The following ST8SIA1 variants were observed in gnomAD, a reference collection of about 807,000 sequenced individuals.
ST8SIA1 encodes ST8 alpha-N-acetyl-neuraminide alpha-2,8-sialyltransferase 1.
A neutral mutation model predicts 35.9 loss-of-function variants in ST8SIA1; 16 were observed. That is an observed-to-expected ratio of 0.45 (90% CI 0.30 to 0.68). The LOEUF (loss-of-function observed/expected upper bound fraction) is 0.68. Ranked by LOEUF, ST8SIA1 falls within the 30% of genes least tolerant of loss-of-function variation. The pLI, the probability that ST8SIA1 is intolerant of heterozygous loss-of-function variation, is 0.09. For synonymous variants in ST8SIA1, 170 were observed against 169.6 expected, an observed-to-expected ratio of 1.00 and a Z score of -0.02; for missense variants, 383 against 453.6, an observed-to-expected ratio of 0.84 and a Z score of 1.41.
At position 22,334,320 on chromosome 12, in the gene ST8SIA1, C is replaced by T. The variant is rs920651073; in HGVS notation, c.-88G>A. 6.1e-5 allele frequency: 59 copies of T among 971,518 alleles called. No individual in the cohort carries two copies. Among genetic ancestry groups the T allele is most frequent in the Non-Finnish European group, 8.0e-5 (52 of 648,918 alleles). The allele number at this position is 971,518 out of a possible 1,614,324, so 60.2% of individuals were successfully genotyped here. A position where few individuals can be genotyped will look rare whatever the true frequency, so the allele number is the denominator to read the frequency against. Reference sequence around the variant, plus strand: ...GCGGAGGGTCCCCCACCGCCAGCCCCCCATGCACACACACCTTTGGTTCTC... The same window carrying T: ...GCGGAGGGTCCCCCACCGCCAGCCCTCCATGCACACACACCTTTGGTTCTC... On this transcript the variant is annotated 5_prime_UTR_variant, in exon 1 of 5. Coordinates refer to ENST00000396037, the MANE Select transcript of ST8SIA1 (RefSeq NM_003034.4).
chr12:22,318,186 C>G (rs2135838190), intron 1 of ST8SIA1, among the ~76,000 whole-genome samples: 1 of 152,338 alleles, frequency 6.6e-6, no homozygotes, highest in Admixed American at 6.5e-5. Context: ...ACATTGGATT[C>G]TCTCTCAATA....
chr12:22,320,110 T>C (rs1442931501), intron 1 of ST8SIA1, among the ~76,000 whole-genome samples: 2 of 152,190 alleles, frequency 1.3e-5, no homozygotes, highest in Non-Finnish European at 2.9e-5. Flanking sequence ...ATTGGATCTT[T>C]ACAAATTATA....
At chr12:22,221,871 T>G (rs1865303799) in intron 4 of ST8SIA1, among the ~76,000 whole-genome samples, 1 of 152,192 alleles carries the variant, frequency 6.6e-6, no homozygotes, top group African/African-American at 2.4e-5. Flanking sequence ...TAAAAAGTAT[T>G]TTGAATAACG....
At chr12:22,277,366 C>CTT (rs34650104) in intron 2 of ST8SIA1, among the ~76,000 whole-genome samples, 5,926 of 124,754 alleles carry the variant, frequency 0.048, 254 homozygotes, top group East Asian at 0.13. Context: ...TAATAGTGAA[C>CTT]TTTTTTTTTT....
At chr12:22,313,717 A>C (rs1248257542) in intron 1 of ST8SIA1, among the ~76,000 whole-genome samples, 1 of 152,216 alleles carries the variant, frequency 6.6e-6, no homozygotes, top group Middle Eastern at 3.2e-3. Flanking sequence ...TTTAACTTTC[A>C]CACAGGTACT....
At chr12:22,241,688 T>C (rs1865543270) in intron 4 of ST8SIA1, among the ~76,000 whole-genome samples, 1 of 147,270 alleles carries the variant, frequency 6.8e-6, no homozygotes, top group Admixed American at 7.0e-5. Context: ...CTGCAAGCAA[T>C]GTGGGAATGG....
At chr12:22,268,816 C>T (rs75268628) in intron 2 of ST8SIA1, among the ~76,000 whole-genome samples, 8,193 of 152,154 alleles carry the variant, frequency 0.054, 322 homozygotes, top group East Asian at 0.15. Context: ...GGGGACACAG[C>T]CAAACCAAAA....
At chr12:22,272,297 T>TC (rs1865920590) in intron 2 of ST8SIA1, among the ~76,000 whole-genome samples, 1 of 152,296 alleles carries the variant, frequency 6.6e-6, no homozygotes, top group South Asian at 2.1e-4. Context: ...GAAAAAGCAG[T>TC]CCTAGGGGAT....
intron 1 of ST8SIA1, among the ~76,000 whole-genome samples, chr12:22,288,797 T>C (rs1403577868): frequency 2.6e-5 from 4 of 152,222 alleles, no homozygotes; most frequent in Non-Finnish European, 5.9e-5. Context: ...TAGCTGCTTC[T>C]CTTTCCTCTT....
At chr12:22,214,136 A>G (rs979628708) in intron 4 of ST8SIA1, among the ~76,000 whole-genome samples, 2 of 152,214 alleles carry the variant, frequency 1.3e-5, no homozygotes, top group Non-Finnish European at 2.9e-5. Flanking sequence ...CTGACAAATT[A>G]TCGCACTTAA....
At chr12:22,289,459 T>G (rs1299030119) in intron 1 of ST8SIA1, among the ~76,000 whole-genome samples, 1 of 152,120 alleles carries the variant, frequency 6.6e-6, no homozygotes, top group African/African-American at 2.4e-5. Context: ...TTTGATTCAT[T>G]TGTATCTTTC....
chr12:22,245,983 C>T (rs1414395303), intron 4 of ST8SIA1, among the ~76,000 whole-genome samples: 1 of 152,152 alleles, frequency 6.6e-6, no homozygotes, highest in Non-Finnish European at 1.5e-5. Flanking sequence ...CATCCCTCAT[C>T]CTACACACTC....
intron 2 of ST8SIA1, among the ~76,000 whole-genome samples, chr12:22,263,923 T>C (rs1565581256): frequency 6.6e-6 from 1 of 152,216 alleles, no homozygotes; most frequent in Non-Finnish European, 1.5e-5. Flanking sequence ...TGCCACCTGC[T>C]ATCAGTCATG....
intron 1 of ST8SIA1, among the ~76,000 whole-genome samples, chr12:22,293,458 C>T (rs1866204636): frequency 6.6e-6 from 1 of 152,182 alleles, no homozygotes; most frequent in Admixed American, 6.5e-5. Flanking sequence ...AATGCATTTC[C>T]TGCAGACAGC....
chr12:22,285,945 G>A (rs1481330603), intron 2 of ST8SIA1, among the ~76,000 whole-genome samples: 1 of 150,614 alleles, frequency 6.6e-6, no homozygotes, highest in African/African-American at 2.5e-5. Context: ...AGCTCTGTAA[G>A]GTAAATAGGG....
chr12:22,303,187 G>A (rs533542098), intron 1 of ST8SIA1, among the ~76,000 whole-genome samples: 1 of 152,166 alleles, frequency 6.6e-6, no homozygotes, highest in Non-Finnish European at 1.5e-5. Context: ...GTTGGTGCTT[G>A]GTACCAGCTA....
intron 4 of ST8SIA1, chr12:22,223,394 T>A: frequency 5.0e-6 from 2 of 401,678 alleles, no homozygotes; most frequent in Non-Finnish European, 6.8e-6. Context: ...CACAAAATAA[T>A]CATTTCAACC....
intron 4 of ST8SIA1, among the ~76,000 whole-genome samples, chr12:22,220,171 G>A (rs1194001824): frequency 2.0e-5 from 3 of 152,212 alleles, no homozygotes; most frequent in Admixed American, 2.0e-4. Context: ...GAACAGAACA[G>A]TCAACTCCAA....
At position 22,201,929 on chromosome 12, in the gene ST8SIA1, A is replaced by T. The variant is rs1299451138; in HGVS notation, c.694T>A (p.Ser232Thr). The T allele has an allele frequency of 1.2e-6, 2 of 1,614,092 alleles. No individual in the cohort carries two copies. The highest frequency in any genetic ancestry group is 1.1e-5 in the South Asian group (1 of 91,090). Residue 232 changes from serine (S) to threonine (T), a missense_variant, in exon 5 of 5, where the codon TCT becomes ACT. Coordinates refer to ENST00000396037, the MANE Select transcript of ST8SIA1 (RefSeq NM_003034.4). ...AFSMKTGTEP[S>T]LRVYYTLSDV... Reference sequence around the variant, plus strand: ...GACAGTGTATAATAAACCCTCAAAGATGGCTCTGTTCCTGTCTTCATAGAA... The same window carrying T: ...GACAGTGTATAATAAACCCTCAAAGTTGGCTCTGTTCCTGTCTTCATAGAA...
Sources: gnomAD v4.1 joint callset for allele counts (sites outside exome capture counted in the v4.1 genomes callset) on GRCh38, gnomAD v4.1.1 for gene constraint, MANE v1.5 for transcripts, NCBI Gene and HGNC (gene_info 2026-07-23, HGNC 2026-07-21) for gene names.